ST6GALNAC3: variants seen among roughly 807,000 people sequenced by gnomAD.
ST6GALNAC3 encodes ST6 N-acetylgalactosaminide alpha-2,6-sialyltransferase 3, also known as alpha-N-acetylgalactosaminide alpha-2,6-sialyltransferase 3.
ST6GALNAC3 carries 25 observed loss-of-function variants against 32.7 expected under a neutral mutation model. That is an observed-to-expected ratio of 0.76 (90% confidence interval 0.56 to 1.07). ST6GALNAC3 has a LOEUF of 1.07. ST6GALNAC3 is among the 50% of genes least tolerant of loss of function. The pLI, the probability that ST6GALNAC3 is intolerant of heterozygous loss-of-function variation, is 0.00. For missense variants in ST6GALNAC3, 355 were observed against 382.4 expected (o/e 0.93, Z 0.60); for synonymous variants, 129 against 133.1 (o/e 0.97, Z 0.21).
At chr1:76,515,061 A>G (rs1326017979) in intron 3 of ST6GALNAC3, among the ~76,000 whole-genome samples, 3 of 151,990 alleles carry the variant, frequency 2.0e-5, no homozygotes, top group East Asian at 3.9e-4. Flanking sequence ...CTAGTCTTCT[A>G]TTTTCTGGAA....
At chr1:76,511,124 C>A (rs1455339961) in intron 3 of ST6GALNAC3, among the ~76,000 whole-genome samples, 1 of 152,078 alleles carries the variant, frequency 6.6e-6, no homozygotes, top group Non-Finnish European at 1.5e-5. Flanking sequence ...GGTCTTTTGC[C>A]AAAGCTTCCT....
chr1:76,509,992 G>A lies in ST6GALNAC3; in HGVS notation c.623+97575G>A, dbSNP rs1027186264. On this transcript the variant is annotated intron_variant, in intron 3 of 4. Coordinates refer to ENST00000328299, the MANE Select transcript of ST6GALNAC3 (RefSeq NM_152996.4). This position sits in a 1 kb window ranked among gnomAD's most constrained non-coding sequence, Gnocchi z 5.5. ...GGAGCTATTATTCTATCTAACACAGGGAAAAAAAGGATTTTCTCAGTCCTT... is the reference window on the plus strand; with the variant it reads ...GGAGCTATTATTCTATCTAACACAGAGAAAAAAAGGATTTTCTCAGTCCTT... Among the ~76,000 whole-genome samples the A allele has an allele frequency of 1.3e-5, 2 of 151,916 alleles. No individual in the cohort carries two copies. Among genetic ancestry groups the A allele is most frequent in the African/African-American group, 2.4e-5 (1 of 41,386 alleles).
At chr1:76,274,208 T>C in intron 1 of ST6GALNAC3, among the ~76,000 whole-genome samples, 1 of 152,242 alleles carries the variant, frequency 6.6e-6, no homozygotes, top group East Asian at 1.9e-4. Flanking sequence ...ATTATACATT[T>C]ATATATGATT....
At chr1:76,364,908 A>G (rs1444714374) in intron 2 of ST6GALNAC3, among the ~76,000 whole-genome samples, 1 of 152,232 alleles carries the variant, frequency 6.6e-6, no homozygotes, top group African/African-American at 2.4e-5. Flanking sequence ...CACTATGGAA[A>G]GCAATTTGGA....
At chr1:76,141,419 C>G (rs993684255) in intron 1 of ST6GALNAC3, among the ~76,000 whole-genome samples, 1 of 152,168 alleles carries the variant, frequency 6.6e-6, no homozygotes, top group African/African-American at 2.4e-5. Context: ...AACCCTGAAG[C>G]AAACCACACC....
chr1:76,620,513 T>C (rs1203622880), intron 3 of ST6GALNAC3, among the ~76,000 whole-genome samples: 2 of 152,062 alleles, frequency 1.3e-5, no homozygotes, highest in Non-Finnish European at 2.9e-5. Flanking sequence ...GTACCAGCAT[T>C]ACAGGTTTCT....
At chr1:76,519,964 T>C (rs1455628524) in intron 3 of ST6GALNAC3, among the ~76,000 whole-genome samples, 1 of 151,836 alleles carries the variant, frequency 6.6e-6, no homozygotes, top group African/African-American at 2.4e-5. Context: ...TTAAAAATTA[T>C]ATATTTTTAC....
rs1663152689 is a variant in ST6GALNAC3, at chr1:76,529,957, TATC to T, written c.624-97492_624-97490del. 3.9e-5 allele frequency among the ~76,000 whole-genome samples: 6 copies of T among 152,318 alleles called. No homozygotes were observed. The South Asian group carries it at 1.2e-3, about 32-fold the overall frequency. On this transcript the variant is annotated intron_variant, in intron 3 of 4. Coordinates refer to ENST00000328299, the MANE Select transcript of ST6GALNAC3 (RefSeq NM_152996.4). ...TGATTGCTCCTTAAATATTAACTAT[TATC>T]ATTATAATTGTCACTAACACTGGCC...
chr1:76,508,159 C>T (rs947916350), intron 3 of ST6GALNAC3, among the ~76,000 whole-genome samples: 1 of 152,092 alleles, frequency 6.6e-6, no homozygotes, highest in African/African-American at 2.4e-5. Context: ...GAAAAATTTT[C>T]CATGAGGTGT....
chr1:76,393,990 A>C (rs1409340614), intron 2 of ST6GALNAC3, among the ~76,000 whole-genome samples: 1 of 152,214 alleles, frequency 6.6e-6, no homozygotes. Context: ...CCATATCCAT[A>C]GAGCATCTTA....
intron 3 of ST6GALNAC3, among the ~76,000 whole-genome samples, chr1:76,558,860 A>G (rs1276286387): frequency 1.3e-5 from 2 of 152,130 alleles, no homozygotes; most frequent in Non-Finnish European, 2.9e-5. Context: ...CTTGGGGAAA[A>G]TTGGGTAAAG....
At chr1:76,359,442 C>A (rs1649751757) in intron 2 of ST6GALNAC3, among the ~76,000 whole-genome samples, 1 of 152,124 alleles carries the variant, frequency 6.6e-6, no homozygotes, top group African/African-American at 2.4e-5. Context: ...GATAGAAATT[C>A]ACACAGGAAG....
chr1:76,300,430 T>C (rs950403574), intron 1 of ST6GALNAC3, among the ~76,000 whole-genome samples: 1 of 151,926 alleles, frequency 6.6e-6, no homozygotes, highest in Non-Finnish European at 1.5e-5. Flanking sequence ...TATAGAGTCA[T>C]TAAACTCAGG....
At chr1:76,243,809 A>G (rs1447394790) in intron 1 of ST6GALNAC3, among the ~76,000 whole-genome samples, 2 of 151,606 alleles carry the variant, frequency 1.3e-5, no homozygotes, top group Non-Finnish European at 3.0e-5. Context: ...CCTTTGGTCT[A>G]TTCGATTTGG....
intron 3 of ST6GALNAC3, among the ~76,000 whole-genome samples, chr1:76,442,994 T>G (rs1656723169): frequency 6.6e-6 from 1 of 152,230 alleles, no homozygotes; most frequent in South Asian, 2.1e-4. Flanking sequence ...TTCTGTAACT[T>G]CCTTCTGTGT....
intron 3 of ST6GALNAC3, among the ~76,000 whole-genome samples, chr1:76,611,170 C>A (rs1647907518): frequency 6.6e-6 from 1 of 151,894 alleles, no homozygotes; most frequent in African/African-American, 2.4e-5. Flanking sequence ...AACTTTTTAA[C>A]CTCTCCTTAT....
intron 3 of ST6GALNAC3, among the ~76,000 whole-genome samples, chr1:76,425,573 T>G (rs1341347402): frequency 1.3e-5 from 2 of 152,090 alleles, no homozygotes; most frequent in African/African-American, 4.8e-5. Context: ...TTCTCTAATT[T>G]TACTGGGAAC....
chr1:76,155,541 C>A (rs1035408383), intron 1 of ST6GALNAC3, among the ~76,000 whole-genome samples: 26 of 152,228 alleles, frequency 1.7e-4, no homozygotes, highest in Non-Finnish European at 3.4e-4. Flanking sequence ...AATCTCGGCT[C>A]ACTGCAAGCT....
chr1:76,526,420 A>G (rs1662914588), intron 3 of ST6GALNAC3, among the ~76,000 whole-genome samples: 3 of 152,110 alleles, frequency 2.0e-5, no homozygotes, highest in African/African-American at 7.2e-5. Flanking sequence ...CCTGAAGCTC[A>G]TTAATAATTT....
Sources: allele counts gnomAD v4.1 joint callset (sites outside exome capture counted in the v4.1 genomes callset), GRCh38; gene constraint gnomAD v4.1.1; non-coding constraint Gnocchi (gnomAD v3.1); transcripts MANE v1.5; gene names NCBI Gene and HGNC (gene_info 2026-07-23, HGNC 2026-07-21).